FRMD1: variants seen among roughly 807,000 people sequenced by gnomAD.
The protein encoded by FRMD1 is FERM domain containing 1.
In FRMD1, 51 loss-of-function variants were observed where a neutral mutation model predicts 54.9. The observed-to-expected ratio is 0.93, with a 90% CI of 0.74 to 1.17. The LOEUF (loss-of-function observed/expected upper bound fraction) is 1.17, where lower values mean the gene tolerates loss of function less well. FRMD1 is among the 50% of genes most tolerant of loss of function. The pLI is 0.00. For missense variants in FRMD1, 729 were observed against 743.0 expected, an observed-to-expected ratio of 0.98 and a Z score of 0.22; for synonymous variants, 324 against 306.4, an observed-to-expected ratio of 1.06 and a Z score of -0.60.
intron 1 of FRMD1, among the ~76,000 whole-genome samples, chr6:168,090,674 C>G (rs1161349151): frequency 1.3e-5 from 2 of 152,262 alleles, no homozygotes; most frequent in Non-Finnish European, 2.9e-5. Flanking sequence ...CAAGGTCTTA[C>G]TTGCTGCTGT....
chr6:168,056,906 G>C lies in FRMD1; in HGVS notation c.*191C>G. On this transcript the variant is annotated 3_prime_UTR_variant, in exon 11 of 11. Transcript: ENST00000283309. ...GTATGGCAGACAGGCATGAGGTGCG[G>C]GACCTGTTTGTTACCTCCCAGGTTG... 4 of 577,488 alleles carry C rather than the reference G, an allele frequency of 6.9e-6. No individual in the cohort carries two copies. Among genetic ancestry groups the C allele is most frequent in the Non-Finnish European group, 1.1e-5 (4 of 364,144 alleles). 35.8% of individuals were successfully genotyped at this position (577,488 alleles called of 1,614,324 possible). A position where few individuals can be genotyped will look rare whatever the true frequency, so the allele number is the denominator to read the frequency against.
chr6:168,060,662 G>T, intron 9 of FRMD1, 99 bp downstream of exon 9: 1 of 1,272,942 alleles, frequency 7.9e-7, no homozygotes, highest in Non-Finnish European at 1.1e-6. Context: ...TGGAGGGCAG[G>T]CCAGGGCTTT....
At chr6:168,057,697 C>A (rs532808709) in intron 10 of FRMD1, 2 of 247,710 alleles carry the variant, frequency 8.1e-6, no homozygotes, top group Non-Finnish European at 1.6e-5. Context: ...TGGTCAAGAA[C>A]GGCCTCCTAT....
In FRMD1 at chr6:168,057,491, C is replaced by A. The variant is rs935804801; in HGVS notation, c.1408-152G>T. 5 of 1,095,516 alleles carry A rather than the reference C, an allele frequency of 4.6e-6. No individual in the cohort carries two copies. In the African/African-American group the frequency reaches 6.3e-5, roughly 14 times the overall value. The allele number at this position is 1,095,516 out of a possible 1,614,324, so 67.9% of individuals were successfully genotyped here. Reference sequence around the variant, plus strand: ...ATGGCCGGCCTGCCCCTGGACGGGTCCCCCAGCACACACCTCTGCGAGAGA... The same window carrying A: ...ATGGCCGGCCTGCCCCTGGACGGGTACCCCAGCACACACCTCTGCGAGAGA... On this transcript the variant is annotated intron_variant, in intron 10 of 10. Coordinates refer to ENST00000283309, the MANE Select transcript of FRMD1 (RefSeq NM_024919.6).
Position 168,059,165 on chromosome 6 carries a change from G to A in FRMD1, c.1366C>T (p.Gln456Ter), listed in dbSNP as rs1548349. The A allele has an allele frequency of 6.3e-7, 1 of 1,586,850 alleles. No individual in the cohort carries two copies. The change falls in exon 10 of 11, where the codon CAG (glutamine) becomes TAG (stop). Residue 456 changes from glutamine (Q) to a stop codon, truncating the protein, a stop_gained. Coordinates refer to ENST00000283309, the MANE Select transcript of FRMD1 (RefSeq NM_024919.6). LOFTEE classifies it low-confidence loss of function (END_TRUNC). This position sits in a 1 kb window ranked among gnomAD's most constrained non-coding sequence, Gnocchi z 4.4. Reference sequence around the variant, plus strand: ...GCGCTCTGGCCTCTGGTCCTGACCTGGGTGCAGGGCTCCTGACGAGTGGCT... The same window carrying A: ...GCGCTCTGGCCTCTGGTCCTGACCTAGGTGCAGGGCTCCTGACGAGTGGCT... ...SQATRQEPCT[Q>*]VRTRGQSAEA... is the part of the protein sequence containing the mutation.
chr6:168,060,712 T>C (rs376657640), intron 9 of FRMD1, 49 bp downstream of exon 9: 39 of 1,561,192 alleles, frequency 2.5e-5, no homozygotes, highest in Non-Finnish European at 3.0e-5. Context: ...TGGGGCTGGC[T>C]GGACCACACT....
Position 168,065,180 on chromosome 6 carries a change from C to G in FRMD1, c.462-123G>C, listed in dbSNP as rs889134671. The stretch of plus-strand genomic sequence containing the variant: ...TGTCCTGAGCCCCTGGTACCTAGTT[C>G]CTGTCTTGTTATACCCACAGCTGTG... On this transcript the variant is annotated intron_variant, in intron 4 of 10. Coordinates refer to ENST00000283309, the MANE Select transcript of FRMD1 (RefSeq NM_024919.6). 1.3e-4 allele frequency: 193 copies of G among 1,437,240 alleles called. 2 individuals carry two copies. The highest frequency in any genetic ancestry group is 1.6e-4 in the Non-Finnish European group (181 of 1,097,878). The allele number at this position is 1,437,240 out of a possible 1,614,324, so 89.0% of individuals were successfully genotyped here.
chr6:168,077,281 T>TC (rs1554257940), intron 1 of FRMD1, among the ~76,000 whole-genome samples: 4 of 146,856 alleles, frequency 2.7e-5, no homozygotes, highest in Non-Finnish European at 4.5e-5. Context: ...CACACTCCGA[T>TC]GGGGGGGGGT....
At chr6:168,080,197 G>C (rs1371321357), upstream of FRMD1, among the ~76,000 whole-genome samples, 1 of 152,050 alleles carries the variant, frequency 6.6e-6, no homozygotes, top group African/African-American at 2.4e-5. Context: ...GCCGCCCTAA[G>C]GCCCGGCCCG....
At chr6:168,070,542 C>T (rs1800258404) in intron 2 of FRMD1, among the ~76,000 whole-genome samples, 1 of 152,132 alleles carries the variant, frequency 6.6e-6, no homozygotes, top group African/African-American at 2.4e-5. Flanking sequence ...CCCGATGGCC[C>T]TCGGACCCAA....
intron 5 of FRMD1, 32 bp from the exon 6 acceptor site, chr6:168,063,788 C>G: frequency 6.4e-7 from 1 of 1,572,796 alleles, no homozygotes. Context: ...CAGCTCAGAC[C>G]CCTGCTGGTC....
chr6:168,065,635 A>G lies in FRMD1; in HGVS notation c.462-578T>C, dbSNP rs944194367. 6.1e-6 allele frequency: 6 copies of G among 986,526 alleles called. No homozygotes were observed. In the African/African-American group the frequency reaches 8.7e-5, roughly 14 times the overall value. The allele number at this position is 986,526 out of a possible 1,614,324, so 61.1% of individuals were successfully genotyped here. On this transcript the variant is annotated intron_variant, in intron 4 of 10. Coordinates refer to ENST00000283309, the MANE Select transcript of FRMD1 (RefSeq NM_024919.6). Reference sequence around the variant, plus strand: ...CTTTCCAGACCTCCCCTCCAAGGCTATCCAGAACCTTCCACATATTCACAC... The same window carrying G: ...CTTTCCAGACCTCCCCTCCAAGGCTGTCCAGAACCTTCCACATATTCACAC...
chr6:168,057,010 G>T lies in FRMD1; in HGVS notation c.*87C>A, dbSNP rs778553583. The T allele has an allele frequency of 1.2e-5, 17 of 1,380,378 alleles. No homozygotes were observed. The highest frequency in any genetic ancestry group is 3.2e-5 in the Admixed American group (1 of 31,306). 85.5% of individuals were successfully genotyped at this position (1,380,378 alleles called of 1,614,324 possible). A position where few individuals can be genotyped will look rare whatever the true frequency, so the allele number is the denominator to read the frequency against. Reference sequence around the variant, plus strand: ...TGCGGAAGTGCAGGCAGCATCTGGCGGGCAGGAAGGGACGAGGGCCATGTG... The same window carrying T: ...TGCGGAAGTGCAGGCAGCATCTGGCTGGCAGGAAGGGACGAGGGCCATGTG... On this transcript the variant is annotated 3_prime_UTR_variant, in exon 11 of 11. Coordinates refer to ENST00000283309, the MANE Select transcript of FRMD1 (RefSeq NM_024919.6).
rs745962613 is a variant in FRMD1 at position 168,064,921 on chromosome 6, A to G, written c.598T>C (p.Ser200Pro). ...TCGAAGTACCTCCCGGCATGGGCCG[A>G]CTCCCGGTGCTCGCCCAGGTCAGCC... ...LQADLGEHRE[S>P]AHAGRYFEPH... is the part of the protein sequence containing the mutation. Residue 200 changes from serine to proline, a missense_variant, in exon 5 of 11, where the codon TCG becomes CCG. By Grantham distance (74) the Ser-to-Pro change is moderately conservative. Coordinates refer to ENST00000283309, the MANE Select transcript of FRMD1 (RefSeq NM_024919.6). 1.9e-6 allele frequency: 3 copies of G among 1,604,896 alleles called. No individual in the cohort carries two copies. In the Admixed American group the frequency reaches 5.1e-5, roughly 27 times the overall value.
chr6:168,062,666 C>A, intron 7 of FRMD1: 1 of 1,550,432 alleles, frequency 6.4e-7, no homozygotes, highest in Non-Finnish European at 8.7e-7. Context: ...CCCCCAGACA[C>A]CCACCAGAAA....
chr6:168,078,783 CACGG>C, intron 1 of FRMD1, 95 bp downstream of exon 1: 2 of 75,334 alleles, frequency 2.7e-5, no homozygotes, highest in Non-Finnish European at 4.1e-5. Context: ...TGCTCACCCC[CACGG>C]CCACCCAGGG....
intron 1 of FRMD1, among the ~76,000 whole-genome samples, chr6:168,092,474 G>C (rs562314160): frequency 6.6e-6 from 1 of 151,942 alleles, no homozygotes; most frequent in Non-Finnish European, 1.5e-5. Flanking sequence ...CTGTATAAGA[G>C]AGACCCTCCG....
intron 2 of FRMD1, among the ~76,000 whole-genome samples, chr6:168,070,544 C>T (rs141118806): frequency 6.9e-4 from 105 of 152,260 alleles, no homozygotes; most frequent in African/African-American, 2.4e-3. Flanking sequence ...CGATGGCCCT[C>T]GGACCCAAGA....
chr6:168,072,993 G>A (rs1299076067), intron 2 of FRMD1, among the ~76,000 whole-genome samples: 1 of 152,176 alleles, frequency 6.6e-6, no homozygotes, highest in Non-Finnish European at 1.5e-5. Context: ...GGGGGCACAG[G>A]GTCTGGGAAG....
Sources: allele counts gnomAD v4.1 joint callset (sites outside exome capture counted in the v4.1 genomes callset), GRCh38; gene constraint gnomAD v4.1.1; non-coding constraint Gnocchi (gnomAD v3.1); transcripts MANE v1.5; gene names NCBI Gene and HGNC (gene_info 2026-07-23, HGNC 2026-07-21).